The following ELP3 variants were observed in gnomAD, a reference collection of about 807,000 sequenced individuals.
The protein encoded by ELP3 is elongator complex protein 3.
ELP3 carries 56 observed loss-of-function variants against 74.9 expected under a neutral mutation model. That is an observed-to-expected ratio of 0.75 (90% CI 0.60 to 0.93). The LOEUF is 0.93. Ranked by LOEUF, ELP3 falls within the 40% of genes least tolerant of loss-of-function variation. The pLI, the probability that ELP3 is intolerant of heterozygous loss-of-function variation, is 0.00. For missense variants in ELP3, 573 were observed against 686.5 expected (o/e 0.83, Z 1.85); for synonymous variants, 222 against 239.8 (o/e 0.93, Z 0.68).
chr8:28,123,939 G>T (rs1812474289), intron 7 of ELP3, among the ~76,000 whole-genome samples: 1 of 150,636 alleles, frequency 6.6e-6, no homozygotes, highest in Non-Finnish European at 1.5e-5. Flanking sequence ...TACAGTAATT[G>T]GCTCTTTTTT....
chr8:28,172,023 A>G (rs1814549833), intron 14 of ELP3, among the ~76,000 whole-genome samples: 1 of 152,120 alleles, frequency 6.6e-6, no homozygotes, highest in African/African-American at 2.4e-5. Context: ...CTATATGTCC[A>G]TCTTTACATC....
intron 7 of ELP3, among the ~76,000 whole-genome samples, chr8:28,120,132 G>A (rs1048338875): frequency 6.6e-6 from 1 of 152,174 alleles, no homozygotes; most frequent in African/African-American, 2.4e-5. Context: ...GAATTGCTAT[G>A]TAAGTTTAGT....
chr8:28,101,590 CTTTTT>C (rs11406521), intron 3 of ELP3, among the ~76,000 whole-genome samples: 1 of 142,990 alleles, frequency 7.0e-6, no homozygotes. Flanking sequence ...TCTTGACTTT[CTTTTT>C]TTTTTTTTTT....
chr8:28,185,240 C>A (rs1255100289), intron 14 of ELP3, among the ~76,000 whole-genome samples: 1 of 152,202 alleles, frequency 6.6e-6, no homozygotes, highest in Non-Finnish European at 1.5e-5. Context: ...AATCTCTCAG[C>A]TAACAAGGTA....
chr8:28,162,594 T>G (rs930879020), intron 14 of ELP3, among the ~76,000 whole-genome samples: 1 of 152,188 alleles, frequency 6.6e-6, no homozygotes, highest in African/African-American at 2.4e-5. Flanking sequence ...CCCAGCCCTC[T>G]TAGGGTCCCT....
At chr8:28,150,517 C>G (rs184405746) in intron 10 of ELP3, among the ~76,000 whole-genome samples, 11 of 152,068 alleles carry the variant, frequency 7.2e-5, no homozygotes, top group Non-Finnish European at 1.0e-4. Context: ...TTTTTCCTAT[C>G]AGCACTTTAA....
chr8:28,117,907 A>G (rs539902147), intron 7 of ELP3, among the ~76,000 whole-genome samples: 1 of 152,314 alleles, frequency 6.6e-6, no homozygotes, highest in African/African-American at 2.4e-5. Context: ...GTGTTGGCAT[A>G]ATTGTGAAAT....
At chr8:28,179,154 G>A (rs1814890791) in intron 14 of ELP3, among the ~76,000 whole-genome samples, 2 of 152,238 alleles carry the variant, frequency 1.3e-5, no homozygotes, top group Non-Finnish European at 2.9e-5. Flanking sequence ...ACACTTGAGT[G>A]TGTGCAGATT....
chr8:28,174,394 GATAAT>G (rs1329447214), intron 14 of ELP3, among the ~76,000 whole-genome samples: 2 of 152,014 alleles, frequency 1.3e-5, no homozygotes, highest in Non-Finnish European at 2.9e-5. Flanking sequence ...TGTTTTGTCT[GATAAT>G]ATAATCACTC....
At chr8:28,099,999 C>T (rs1380265526) in intron 3 of ELP3, 33 bp downstream of exon 3, 1 of 1,613,670 alleles carries the variant, frequency 6.2e-7, no homozygotes, top group Non-Finnish European at 8.5e-7. Context: ...TATCGACACA[C>T]TGGGTATCTG....
intron 10 of ELP3, among the ~76,000 whole-genome samples, chr8:28,154,021 G>A (rs892417606): frequency 2.0e-5 from 3 of 152,190 alleles, no homozygotes; most frequent in Non-Finnish European, 4.4e-5. Flanking sequence ...TGCCCCAAGT[G>A]TAGTCCTGAG....
At chr8:28,170,930 A>G (rs1814500554) in intron 14 of ELP3, among the ~76,000 whole-genome samples, 1 of 152,180 alleles carries the variant, frequency 6.6e-6, no homozygotes, top group Non-Finnish European at 1.5e-5. Flanking sequence ...GTGAAGTGGA[A>G]TCATAGAGTA....
At chr8:28,093,022 C>A (rs1280718692), upstream of ELP3, 1 of 887,688 alleles carries the variant, frequency 1.1e-6, no homozygotes, top group Non-Finnish European at 1.8e-6. Context: ...CCTCACGGGC[C>A]GCCTGCTACC....
Position 28,099,792 on chromosome 8 carries a change from C to A in ELP3, c.120-36C>A, listed in dbSNP as rs761986195. ...CTCTTGGTAGCTTGTCCTTAAATAA[C>A]CGTAATCTTGATAATGTGAGATGCT... On this transcript the variant is annotated intron_variant, in intron 2 of 14. Transcript: ENST00000256398. 3.1e-6 allele frequency: 5 copies of A among 1,612,994 alleles called. No homozygotes were observed. In the South Asian group the frequency reaches 4.4e-5, roughly 14 times the overall value.
At chr8:28,135,409 A>G (rs1296041557) in intron 9 of ELP3, among the ~76,000 whole-genome samples, 2 of 152,224 alleles carry the variant, frequency 1.3e-5, no homozygotes, top group Admixed American at 1.3e-4. Flanking sequence ...TGATTCATCC[A>G]GAGATGAACT....
chr8:28,168,192 A>G (rs1814383405), intron 14 of ELP3, among the ~76,000 whole-genome samples: 2 of 151,532 alleles, frequency 1.3e-5, no homozygotes, highest in African/African-American at 2.5e-5. Context: ...ATTAGTACAC[A>G]TGTTTTGAAT....
At chr8:28,183,137 C>G (rs1392276549) in intron 14 of ELP3, 2 of 456,090 alleles carry the variant, frequency 4.4e-6, no homozygotes, top group Non-Finnish European at 8.8e-6. Context: ...ATTTTAATAA[C>G]TTACATATAG....
chr8:28,188,105 G>T (rs1585770298), intron 14 of ELP3, among the ~76,000 whole-genome samples: 1 of 152,166 alleles, frequency 6.6e-6, no homozygotes, highest in South Asian at 2.1e-4. Context: ...GAAGGACGGA[G>T]GGAGTGCCTG....
intron 14 of ELP3, among the ~76,000 whole-genome samples, chr8:28,184,980 AAAGAG>A (rs1350539826): frequency 6.6e-6 from 1 of 152,210 alleles, no homozygotes; most frequent in Admixed American, 6.5e-5. Flanking sequence ...AAAAAAAAAA[AAAGAG>A]AGAGATCTCC....
Sources: gnomAD v4.1 joint callset for allele counts (sites outside exome capture counted in the v4.1 genomes callset) on GRCh38, gnomAD v4.1.1 for gene constraint, MANE v1.5 for transcripts, NCBI Gene and HGNC (gene_info 2026-07-23, HGNC 2026-07-21) for gene names.